LIG3: variants seen among roughly 807,000 people sequenced by gnomAD.
LIG3 encodes ligase II, DNA, ATP-dependent.
Under a neutral mutation model 110.9 loss-of-function variants are expected in LIG3, and 58 were observed. That is an observed-to-expected ratio of 0.52 (90% CI 0.42 to 0.65). The LOEUF is 0.65. Among genes scored for constraint, LIG3 ranks in the 30% least tolerant of loss-of-function variants. The probability of loss-of-function intolerance (pLI) is 0.00; values close to 1 mark genes in which losing one functional copy is unlikely to be tolerated. For synonymous variants in LIG3, 422 were observed against 472.8 expected (o/e 0.89, Z 1.39); for missense variants, 1,094 against 1,273.8 (o/e 0.86, Z 2.15).
chr17:34,982,253 C>T (rs1253049455), intron 1 of LIG3, among the ~76,000 whole-genome samples: 2 of 152,134 alleles, frequency 1.3e-5, no homozygotes, highest in African/African-American at 4.8e-5. Context: ...AACTCAATTC[C>T]AAATCTATAT....
chr17:34,994,090 TACA>T (rs2090753378), intron 8 of LIG3, 183 bp from the exon 9 acceptor site: 1 of 528,866 alleles, frequency 1.9e-6, no homozygotes, highest in Non-Finnish European at 3.3e-6. Context: ...ATAGGCAGAA[TACA>T]ACATTGCCCA....
intron 1 of LIG3, among the ~76,000 whole-genome samples, 159 bp from the exon 2 acceptor site, chr17:34,982,843 C>T (rs2090612878): frequency 6.6e-6 from 1 of 152,052 alleles, no homozygotes; most frequent in Non-Finnish European, 1.5e-5. Context: ...TGTATCAGAA[C>T]TCTTTCATGC....
chr17:35,001,503 C>A, intron 17 of LIG3, 100 bp downstream of exon 17: 1 of 1,244,398 alleles, frequency 8.0e-7, no homozygotes, highest in Non-Finnish European at 1.1e-6. Flanking sequence ...CTTCTCCTTT[C>A]CCCCATTCTC....
Position 34,983,502 on chromosome 17 carries a change from G to T in LIG3, c.497G>T (p.Trp166Leu). The T allele has an allele frequency of 6.2e-7, 1 of 1,614,044 alleles. No homozygotes were observed. The highest frequency in any genetic ancestry group is 1.1e-5 in the South Asian group (1 of 91,034). Residue 166 changes from tryptophan (W) to leucine (L), a missense_variant, in exon 2 of 20, where the codon TGG (tryptophan) becomes TTG (leucine). Transcript: ENST00000378526. ...KIEDLTELEG[W>L]EELEDNEKEQ... ...GAGGACCTCACAGAGCTGGAAGGCT[G>T]GGAAGAGCTGGAAGATAATGAGAAG...
In LIG3 at chr17:34,983,180, T is replaced by G. The variant is rs755669263; in HGVS notation, c.175T>G (p.Phe59Val). 2 of 1,614,208 alleles carry G rather than the reference T, an allele frequency of 1.2e-6. No homozygotes were observed. Among genetic ancestry groups the G allele is most frequent in the Non-Finnish European group, 1.7e-6 (2 of 1,180,022 alleles). ...CCTGAGAAGAAAGCCTGTTCTATCA[T>G]TCCAGGGAAGCCATCTAAGATCACG... is the stretch of plus-strand genomic sequence containing the variant. ...LFLRRKPVLS[F>V]QGSHLRSRAT... The change falls in exon 2 of 20, where the codon TTC (phenylalanine) becomes GTC (valine). Residue 59 changes from phenylalanine to valine, a missense_variant. Transcript: ENST00000378526.
At chr17:35,003,212 G>T in intron 19 of LIG3, 1 of 1,463,528 alleles carries the variant, frequency 6.8e-7, no homozygotes, top group Non-Finnish European at 9.1e-7. Flanking sequence ...CGGGGAGAGG[G>T]CACTGGCTTG....
intron 17 of LIG3, 70 bp downstream of exon 17, chr17:35,001,473 AC>A (rs1567694470): frequency 2.0e-6 from 3 of 1,467,058 alleles, no homozygotes; most frequent in Middle Eastern, 1.7e-4. Flanking sequence ...GGGCATCTAG[AC>A]CATTCACATG....
intron 14 of LIG3, 166 bp downstream of exon 14, chr17:34,998,893 C>T: frequency 8.3e-6 from 6 of 726,660 alleles, no homozygotes; most frequent in Non-Finnish European, 1.3e-5. Flanking sequence ...GGCAGAGCTG[C>T]TTACTCGGTT....
rs1304538167 is a variant in LIG3, at chr17:35,006,184, T to C, written c.*1678T>C. ...TTTAGTGTAGACAAGTGCTATTCAA[T>C]AGAACTTTTTGCAGCAGTGGAAATA... On this transcript the variant is annotated 3_prime_UTR_variant, in exon 20 of 20. Transcript: ENST00000378526. The C allele has an allele frequency of 6.5e-6, 1 of 154,600 alleles. No individual in the cohort carries two copies. The highest frequency in any genetic ancestry group is 1.4e-5 in the Non-Finnish European group (1 of 69,708). The allele number at this position is 154,600 out of a possible 1,614,324, so 9.6% of individuals were successfully genotyped here. A position where few individuals can be genotyped will look rare whatever the true frequency, so the allele number is the denominator to read the frequency against.
intron 3 of LIG3, among the ~76,000 whole-genome samples, chr17:34,988,612 A>G (rs2090684428): frequency 6.6e-6 from 1 of 152,174 alleles, no homozygotes; most frequent in Non-Finnish European, 1.5e-5. Flanking sequence ...GTCTGGAGGA[A>G]ATCCCTGCCC....
downstream of LIG3, chr17:35,010,138 G>A (rs1285416543): frequency 6.6e-6 from 1 of 152,274 alleles, no homozygotes; most frequent in Admixed American, 6.5e-5. Flanking sequence ...ATGGAAGAAA[G>A]CATAAATATG....
chr17:34,999,914 AG>A, intron 16 of LIG3, 58 bp downstream of exon 16: 8 of 1,364,344 alleles, frequency 5.9e-6, no homozygotes, highest in Non-Finnish European at 7.3e-6. Context: ...CAGGTTCTCT[AG>A]TGCCATAGAG....
rs764093591 is a variant in LIG3 at position 34,996,705 on chromosome 17, T to C, written c.1823+52T>C. 3.4e-6 allele frequency: 5 copies of C among 1,466,948 alleles called. 1 individual carries two copies. In the South Asian group the frequency reaches 5.7e-5, roughly 17 times the overall value. 90.9% of individuals were successfully genotyped at this position (1,466,948 alleles called of 1,614,324 possible). On this transcript the variant is annotated intron_variant, in intron 11 of 19. Coordinates refer to ENST00000378526, the MANE Select transcript of LIG3 (RefSeq NM_013975.4). ...AGAAACTGCCAGGAATCTGTTTTCA[T>C]TTCCTGGGTGAGGAAGATGGGGGCT...
Position 35,004,553 on chromosome 17 carries a change from C to T in LIG3, c.*47C>T. The T allele has an allele frequency of 6.6e-7, 1 of 1,515,164 alleles. No homozygotes were observed. The highest frequency in any genetic ancestry group is 1.1e-5 in the South Asian group (1 of 88,266). The allele number at this position is 1,515,164 out of a possible 1,614,324, so 93.9% of individuals were successfully genotyped here. ...TCAGGCCATACTCTCCTTTACCATA[C>T]TACTGGACTGGACTCAGGCTGGAGG... On this transcript the variant is annotated 3_prime_UTR_variant, in exon 20 of 20. Coordinates refer to ENST00000378526, the MANE Select transcript of LIG3 (RefSeq NM_013975.4).
intron 1 of LIG3, among the ~76,000 whole-genome samples, chr17:34,982,291 T>C (rs927750168): frequency 2.0e-5 from 3 of 152,200 alleles, no homozygotes; most frequent in African/African-American, 7.2e-5. Flanking sequence ...GGATGGCATA[T>C]GTGTTAAACT....
chr17:34,991,900 G>A (rs1360792520), intron 6 of LIG3, 58 bp from the exon 7 acceptor site: 2 of 1,612,286 alleles, frequency 1.2e-6, no homozygotes, highest in Non-Finnish European at 1.7e-6. Context: ...GGAAGGGAAG[G>A]TTCCCTTGGG....
chr17:35,005,156 G>C lies in LIG3; in HGVS notation c.*650G>C, dbSNP rs375009457. ...GGAAAATGGGGCCTTTATGAAGAAA[G>C]GGGAGGTTATTTGGGCCACTCCTCT... On this transcript the variant is annotated 3_prime_UTR_variant, in exon 20 of 20. Coordinates refer to ENST00000378526, the MANE Select transcript of LIG3 (RefSeq NM_013975.4). 1 of 366,152 alleles carries C rather than the reference G, an allele frequency of 2.7e-6. No individual in the cohort carries two copies. The highest frequency in any genetic ancestry group is 5.4e-6 in the Non-Finnish European group (1 of 186,110). 22.7% of individuals were successfully genotyped at this position (366,152 alleles called of 1,614,324 possible).
intron 4 of LIG3, among the ~76,000 whole-genome samples, chr17:34,990,417 C>G (rs1474485788): frequency 6.6e-6 from 1 of 152,044 alleles, no homozygotes; most frequent in East Asian, 1.9e-4. Flanking sequence ...GTAGCTGGGA[C>G]TATAGGCATG....
At chr17:34,996,228 A>G in intron 10 of LIG3, 33 bp downstream of exon 10, 2 of 1,610,330 alleles carry the variant, frequency 1.2e-6, no homozygotes, top group East Asian at 2.2e-5. Flanking sequence ...GCAAGAATGA[A>G]TGAGTGTGAG....
Sources: gnomAD v4.1 joint callset for allele counts (sites outside exome capture counted in the v4.1 genomes callset) on GRCh38, gnomAD v4.1.1 for gene constraint, MANE v1.5 for transcripts, NCBI Gene and HGNC (gene_info 2026-07-23, HGNC 2026-07-21) for gene names.